Variants in KAZN observed in about 807,000 individuals in gnomAD.
KAZN encodes the protein kazrin.
Under a neutral mutation model 87.4 loss-of-function variants are expected in KAZN, and 40 were observed. That is an observed-to-expected ratio of 0.46 (90% CI 0.36 to 0.60). The LOEUF is 0.60. Among genes scored for constraint, KAZN ranks in the 20% least tolerant of loss-of-function variants. KAZN has a pLI of 0.00. For missense variants in KAZN, 898 were observed against 1,073.9 expected, an observed-to-expected ratio of 0.84 and a Z score of 2.29; for synonymous variants, 466 against 458.3, an observed-to-expected ratio of 1.02 and a Z score of -0.22.
At chr1:14,059,858 C>G (rs1404757507) in intron 1 of KAZN, among the ~76,000 whole-genome samples, 1 of 152,192 alleles carries the variant, frequency 6.6e-6, no homozygotes, top group Admixed American at 6.5e-5. Flanking sequence ...GTAACACTTT[C>G]TAAATCCCTT....
chr1:14,285,481 G>A (rs1302304536), intron 2 of KAZN, among the ~76,000 whole-genome samples: 1 of 152,162 alleles, frequency 6.6e-6, no homozygotes, highest in Non-Finnish European at 1.5e-5. Flanking sequence ...GTGCTCTAGG[G>A]TGAGATAGCA....
At chr1:14,989,331 CCAGGTTTGG>C (rs150722069) in intron 2 of KAZN, among the ~76,000 whole-genome samples, 3,085 of 152,208 alleles carry the variant, frequency 0.02, 114 homozygotes, top group African/African-American at 0.069. Context: ...AAAAAATTAG[CCAGGTTTGG>C]TGGTGCACAC....
intron 4 of KAZN, among the ~76,000 whole-genome samples, chr1:15,050,028 GGGTAGGGTAGGGTAGGGTAGGGT>G (rs1192261849): frequency 7.6e-4 from 62 of 82,082 alleles, no homozygotes; most frequent in Non-Finnish European, 1.1e-3. Context: ...GAGTAGAGTA[GGGTAGGGTAGGGTAGGGTAGGGT>G]AGGGTAGGGT....
intron 2 of KAZN, among the ~76,000 whole-genome samples, chr1:14,217,421 A>T (rs1188892659): frequency 6.6e-6 from 1 of 152,162 alleles, no homozygotes; most frequent in East Asian, 1.9e-4. Context: ...AGCTAAAAAA[A>T]AAACCTAAGA....
At chr1:14,250,714 T>C (rs1001506453) in intron 2 of KAZN, among the ~76,000 whole-genome samples, 6 of 152,048 alleles carry the variant, frequency 3.9e-5, no homozygotes, top group Non-Finnish European at 7.4e-5. Flanking sequence ...AAACTAAATA[T>C]TTCCTGCTTT....
At chr1:13,988,919 T>C (rs536553675) in intron 1 of KAZN, among the ~76,000 whole-genome samples, 1 of 152,304 alleles carries the variant, frequency 6.6e-6, no homozygotes, top group East Asian at 1.9e-4. Context: ...CTTGGCATCT[T>C]ACTTCATTTT....
rs148158285 is a variant in KAZN at position 14,188,791 on chromosome 1, T to C, written c.249+8199T>C. On this transcript the variant is annotated intron_variant, in intron 2 of 16. Coordinates refer to the KAZN transcript ENST00000636203. ...TCTGAATGAGACAAAATTAGGAAAGTAATTTCATTGCCAATATTTTTTTCC... is the reference window on the plus strand; with the variant it reads ...TCTGAATGAGACAAAATTAGGAAAGCAATTTCATTGCCAATATTTTTTTCC... Among the ~76,000 whole-genome samples, 363 of 152,292 alleles carry C rather than the reference T, an allele frequency of 2.4e-3. 1 individual carries two copies. Among genetic ancestry groups the C allele is most frequent in the South Asian group, 0.012 (58 of 4,824 alleles).
chr1:14,986,982 C>G (rs1233087343), intron 2 of KAZN, among the ~76,000 whole-genome samples: 1 of 131,204 alleles, frequency 7.6e-6, no homozygotes, highest in Non-Finnish European at 1.6e-5. Context: ...CAATTGACCT[C>G]CGATGCATGC....
intron 2 of KAZN, among the ~76,000 whole-genome samples, chr1:14,560,704 G>GTGA (rs1397324771): frequency 1.3e-5 from 2 of 152,152 alleles, no homozygotes; most frequent in East Asian, 1.9e-4. Context: ...AGTGGTGGTG[G>GTGA]TGATGATGAT....
intron 4 of KAZN, 54 bp downstream of exon 4, chr1:15,044,213 G>A (rs1448501027): frequency 1.5e-5 from 23 of 1,488,150 alleles, no homozygotes; most frequent in Non-Finnish European, 2.1e-5. Flanking sequence ...GTGCCGTGCT[G>A]GGAGCCGGGA....
At chr1:14,406,783 C>T (rs1313223988) in intron 2 of KAZN, among the ~76,000 whole-genome samples, 1 of 152,192 alleles carries the variant, frequency 6.6e-6, no homozygotes, top group East Asian at 1.9e-4. Flanking sequence ...GAGCAAATAT[C>T]TGGATGCCCT....
Position 14,735,248 on chromosome 1 carries a change from G to C in KAZN, c.226+136025G>C, listed in dbSNP as rs1049758963. Among the ~76,000 whole-genome samples the C allele has an allele frequency of 1.6e-4, 24 of 152,162 alleles. No homozygotes were observed. Among genetic ancestry groups the C allele is most frequent in the African/African-American group, 5.1e-4 (21 of 41,434 alleles). ...CTAATTTTTTTGTATTTTTAGTAGA[G>C]ACGGGGTTTCACCGTGTTAGCCAGG... On this transcript the variant is annotated intron_variant, in intron 1 of 14. Coordinates refer to ENST00000376030, the MANE Select transcript of KAZN (RefSeq NM_201628.3). This position sits in a 1 kb window ranked among gnomAD's most constrained non-coding sequence, Gnocchi z 4.3.
intron 1 of KAZN, among the ~76,000 whole-genome samples, chr1:13,932,889 T>G (rs2100940646): frequency 6.6e-6 from 1 of 152,318 alleles, no homozygotes; most frequent in East Asian, 1.9e-4. Flanking sequence ...AAAGTTTACT[T>G]AAAAATAGAT....
chr1:14,371,147 A>G (rs1343895933), intron 2 of KAZN, among the ~76,000 whole-genome samples: 2 of 152,154 alleles, frequency 1.3e-5, no homozygotes, highest in African/African-American at 2.4e-5. Flanking sequence ...GCTGGGCCCC[A>G]TCTCAGAGTT....
upstream of KAZN, among the ~76,000 whole-genome samples, chr1:14,593,757 G>T (rs1292326815): frequency 6.6e-6 from 1 of 152,200 alleles, no homozygotes; most frequent in East Asian, 1.9e-4. Flanking sequence ...GAGAGCCAGG[G>T]GGAGAATGTT....
At chr1:14,845,639 A>G (rs1557548837) in intron 1 of KAZN, among the ~76,000 whole-genome samples, 2 of 152,034 alleles carry the variant, frequency 1.3e-5, no homozygotes, top group Admixed American at 6.6e-5. Flanking sequence ...GCCCTTGATG[A>G]GCTGGATTGT....
At chr1:14,676,120 G>C (rs1057125521) in intron 1 of KAZN, among the ~76,000 whole-genome samples, 1 of 152,176 alleles carries the variant, frequency 6.6e-6, no homozygotes, top group Non-Finnish European at 1.5e-5. Context: ...GGTTGTTCCT[G>C]GTTTTTTTTC....
intron 2 of KAZN, among the ~76,000 whole-genome samples, chr1:14,421,318 CTG>C (rs1486072870): frequency 3.9e-5 from 6 of 152,252 alleles, no homozygotes; most frequent in South Asian, 2.1e-4. Flanking sequence ...GTTATTGACT[CTG>C]TATTATCTTA....
intron 1 of KAZN, among the ~76,000 whole-genome samples, chr1:14,767,219 G>A (rs1265052699): frequency 1.3e-5 from 2 of 152,184 alleles, no homozygotes; most frequent in Non-Finnish European, 2.9e-5. Flanking sequence ...GAGAACTTCA[G>A]AGTGATTTGC....
Sources: gnomAD v4.1 joint callset for allele counts (sites outside exome capture counted in the v4.1 genomes callset) on GRCh38, gnomAD v4.1.1 for gene constraint, Gnocchi (gnomAD v3.1) non-coding constraint, MANE v1.5 for transcripts, NCBI Gene and HGNC (gene_info 2026-07-23, HGNC 2026-07-21) for gene names.